Variants in MYH7 observed in about 807,000 individuals in gnomAD.
MYH7 encodes the protein myosin-7.
MYH7 carries 129 observed loss-of-function variants against 225.4 expected under a neutral mutation model. The observed-to-expected ratio is 0.57, with a 90% CI of 0.50 to 0.66. MYH7 has a LOEUF of 0.66. MYH7 is among the 30% of genes least tolerant of loss of function. MYH7 has a pLI of 0.00. For synonymous variants in MYH7, 971 were observed against 1,007.6 expected (o/e 0.96, Z 0.69); for missense variants, 1,649 against 2,517.0 (o/e 0.66, Z 7.38).
intron 39 of MYH7, 37 bp downstream of exon 39, chr14:23,413,722 G>A (rs775031326): frequency 1.4e-5 from 22 of 1,612,824 alleles, no homozygotes; most frequent in Non-Finnish European, 1.7e-5. Context: ...TATGCCTGCT[G>A]TGGGGGTGAC....
intron 9 of MYH7, 44 bp from the exon 10 acceptor site, chr14:23,431,043 G>A (rs1182150878): frequency 7.0e-7 from 1 of 1,424,834 alleles, no homozygotes. Flanking sequence ...AAAAGTTAGG[G>A]TTTGGGCACA....
rs1892589431 is a variant in MYH7 at position 23,424,003 on chromosome 14, C to T, written c.2826G>A (p.Lys942=). The T allele has an allele frequency of 6.2e-7, 1 of 1,614,134 alleles. No homozygotes were observed. The highest frequency in any genetic ancestry group is 8.5e-7 in the Non-Finnish European group (1 of 1,180,052). The change falls in exon 23 of 40, where the codon AAG becomes AAA. Residue 942 remains lysine, a synonymous_variant. Coordinates refer to ENST00000355349, the MANE Select transcript of MYH7 (RefSeq NM_000257.4). ...MNAELTAKKR[K]LEDECSELKR... ...TGAGCTCTGAGCACTCATCTTCCAGCTTGCGCTTCTTGGCAGTGAGCTCAG... is the reference window on the plus strand; with the variant it reads ...TGAGCTCTGAGCACTCATCTTCCAGTTTGCGCTTCTTGGCAGTGAGCTCAG...
chr14:23,418,314 G>A lies in MYH7; in HGVS notation c.4065C>T (p.Ala1355=), dbSNP rs142469226. The part of the protein sequence containing the change: ...EQYEEETEAK[A]ELQRVLSKAN... ...CCTTGGAAAGGACGCGCTGCAGCTC[G>A]GCCTTGGCCTCCGTCTCCTCCTCGT... The change falls in exon 30 of 40, where the codon GCC becomes GCT. Residue 1355 remains alanine, a synonymous_variant. Coordinates refer to ENST00000355349, the MANE Select transcript of MYH7 (RefSeq NM_000257.4). 1.5e-5 allele frequency: 24 copies of A among 1,613,724 alleles called. No individual in the cohort carries two copies. Among genetic ancestry groups the A allele is most frequent in the African/African-American group, 9.3e-5 (7 of 75,042 alleles).
rs372381770 is a variant in MYH7 at position 23,414,101 on chromosome 14, G to A, written c.5561C>T (p.Thr1854Met). ...CAGCAGGTTTTTCCTGTCCTCCTCC[G>A]TCTGGGGGCCAGAGGGTAGGCAGGG... ...ERRIKELTYQ[T>M]EEDRKNLLRL... Residue 1854 changes from threonine to methionine, a missense_variant and splice_region_variant, in exon 38 of 40, where the codon ACG (threonine) becomes ATG (methionine). Transcript: ENST00000355349. 2.8e-5 allele frequency: 45 copies of A among 1,611,932 alleles called. No homozygotes were observed. The highest frequency in any genetic ancestry group is 3.4e-5 in the Non-Finnish European group (40 of 1,179,914).
chr14:23,424,729 G>C (rs1193202378), intron 22 of MYH7, 40 bp downstream of exon 22: 2 of 1,612,342 alleles, frequency 1.2e-6, no homozygotes, highest in East Asian at 2.2e-5. Context: ...AGTGAAGGCA[G>C]AGCAGGGTGG....
At position 23,433,705 on chromosome 14, in the gene MYH7, C is replaced by G. The variant is rs199577321; in HGVS notation, c.28G>C (p.Gly10Arg). The G allele has an allele frequency of 2.2e-5, 35 of 1,614,094 alleles. No individual in the cohort carries two copies. The highest frequency in any genetic ancestry group is 4.2e-6 in the Non-Finnish European group (5 of 1,180,058). The change falls in exon 3 of 40, where the codon GGG (glycine) becomes CGG (arginine). Residue 10 changes from glycine (G) to arginine (R), a missense_variant. This residue lies in a region of MYH7 where 91 missense variants were observed against 96.5 expected (regional missense o/e 0.94). Coordinates refer to ENST00000355349, the MANE Select transcript of MYH7 (RefSeq NM_000257.4). This position sits in a 1 kb window ranked among gnomAD's most constrained non-coding sequence, Gnocchi z 4.1. ...TTGCGCAGGTAGGGGGCGGCAGCCCCAAAGACTGCCATCTCCGAATCTCCC... is the reference window on the plus strand; with the variant it reads ...TTGCGCAGGTAGGGGGCGGCAGCCCGAAAGACTGCCATCTCCGAATCTCCC... MGDSEMAVF[G>R]AAAPYLRKSE...
chr14:23,423,616 A>C lies in MYH7; in HGVS notation c.3030T>G (p.Leu1010=), dbSNP rs747004925. 5.6e-6 allele frequency: 9 copies of C among 1,614,056 alleles called. No homozygotes were observed. Among genetic ancestry groups the C allele is most frequent in the Non-Finnish European group, 7.6e-6 (9 of 1,180,022 alleles). ...TGTTGACCTTGTCCTCCTCGGCCTG[A>C]AGGTCATCCAGAGCCTGTTGGTGGG... ...QEAHQQALDD[L]QAEEDKVNTL... Residue 1010 remains leucine (L), a synonymous_variant, in exon 24 of 40, where the codon CTT becomes CTG. Coordinates refer to ENST00000355349, the MANE Select transcript of MYH7 (RefSeq NM_000257.4).
At chr14:23,414,949 G>A in intron 37 of MYH7, 46 bp downstream of exon 37, 1 of 1,601,622 alleles carries the variant, frequency 6.2e-7, no homozygotes, top group Non-Finnish European at 8.5e-7. Flanking sequence ...GGTTGTCACT[G>A]TGGCTATGGT....
At position 23,425,946 on chromosome 14, in the gene MYH7, G is replaced by C; in HGVS notation, c.2162+18C>G. The C allele has an allele frequency of 6.2e-7, 1 of 1,613,126 alleles. No homozygotes were observed. Among genetic ancestry groups the C allele is most frequent in the Admixed American group, 1.7e-5 (1 of 60,026 alleles). ...GGCTCCCCCTGTTCTATGAGCTCTG[G>C]TGCACCCTCATACCCACCTCTGCCG... On this transcript the variant is annotated intron_variant, in intron 19 of 39. Coordinates refer to ENST00000355349, the MANE Select transcript of MYH7 (RefSeq NM_000257.4). The surrounding 1 kb of genome is among the most constrained non-coding windows in gnomAD (Gnocchi z 4.6).
intron 1 of MYH7, among the ~76,000 whole-genome samples, chr14:23,434,937 C>A (rs959323416): frequency 6.6e-6 from 1 of 152,082 alleles, no homozygotes; most frequent in Non-Finnish European, 1.5e-5. Context: ...ATACCTCAAT[C>A]CGCACCCCAA....
chr14:23,432,813 G>A lies in MYH7; in HGVS notation c.346-18C>T. ...GAGTAGGTCTGGGGATAGAAAAGGA[G>A]CAGTGACTTGCCAGTTGCGAAGGGG... On this transcript the variant is annotated intron_variant, in intron 4 of 39. Transcript: ENST00000355349. 2 of 1,614,138 alleles carry A rather than the reference G, an allele frequency of 1.2e-6. No homozygotes were observed. The highest frequency in any genetic ancestry group is 2.2e-5 in the East Asian group (1 of 44,884).
rs767369809 is a variant in MYH7 at position 23,422,200 on chromosome 14, C to T, written c.3225G>A (p.Gln1075=). The change falls in exon 25 of 40, where the codon CAG becomes CAA. Residue 1075 remains glutamine, a synonymous_variant. Coordinates refer to ENST00000355349, the MANE Select transcript of MYH7 (RefSeq NM_000257.4). ...AGTACTTTTTCAGCCGCTCATCCAG[C>T]TGCTGCTTGTCATTCTCCAGGTCCA... ...SIMDLENDKQ[Q]LDERLKKKDF... is the part of the protein sequence containing the mutation. The T allele has an allele frequency of 6.2e-7, 1 of 1,613,358 alleles. No individual in the cohort carries two copies. The highest frequency in any genetic ancestry group is 1.1e-5 in the South Asian group (1 of 91,036).
chr14:23,431,794 C>T lies in MYH7; in HGVS notation c.606G>A (p.Gly202=). 1 of 1,614,254 alleles carries T rather than the reference C, an allele frequency of 6.2e-7. No individual in the cohort carries two copies. The highest frequency in any genetic ancestry group is 8.5e-7 in the Non-Finnish European group (1 of 1,180,046). ...GGCTCTGGTCCTTCTTGCTGCGGTCCCCAATGGCTGCAATAACAGCAAAGT... is the reference window on the plus strand; with the variant it reads ...GGCTCTGGTCCTTCTTGCTGCGGTCTCCAATGGCTGCAATAACAGCAAAGT... ...IQYFAVIAAI[G]DRSKKDQSPG... Residue 202 remains glycine (G), a synonymous_variant, in exon 7 of 40, where the codon GGG becomes GGA. Coordinates refer to ENST00000355349, the MANE Select transcript of MYH7 (RefSeq NM_000257.4).
At chr14:23,413,982 C>T in intron 38 of MYH7, 25 bp downstream of exon 38, 1 of 1,614,140 alleles carries the variant, frequency 6.2e-7, no homozygotes, top group Non-Finnish European at 8.5e-7. Flanking sequence ...CTCCCCTGGG[C>T]CTAGTCCCCA....
intron 10 of MYH7, 65 bp from the exon 11 acceptor site, chr14:23,430,728 C>T (rs1892896315): frequency 4.9e-6 from 7 of 1,424,392 alleles, no homozygotes; most frequent in South Asian, 4.6e-5. Context: ...CTGCTCGCCA[C>T]AGCACATGGC....
chr14:23,418,274 C>T lies in MYH7; in HGVS notation c.4105G>A (p.Ala1369Thr). The change falls in exon 30 of 40, where the codon GCC becomes ACC. Residue 1369 changes from alanine (A) to threonine (T), a missense_variant. Ala to Thr is a moderately conservative substitution (Grantham distance 58, BLOSUM62 0). This residue lies in a region of MYH7 where 687 missense variants were observed against 913.8 expected (regional missense o/e 0.75). Coordinates refer to ENST00000355349, the MANE Select transcript of MYH7 (RefSeq NM_000257.4). ...GTCTCATACTTGGTCCTCCACTGGG[C>T]CACCTCCGAGTTGGCCTTGGAAAGG... ...RVLSKANSEV[A>T]QWRTKYETDA... 1 of 1,613,652 alleles carries T rather than the reference C, an allele frequency of 6.2e-7. No homozygotes were observed.
rs606231314 is a variant in MYH7, at chr14:23,431,733, A to T, written c.639+28T>A. Reference sequence around the variant, plus strand: ...GCTCTTCTCCCTCCCTTTCTGCGGTACAGGACCTTGGAGGGCAGCAGGCCT... The same window carrying T: ...GCTCTTCTCCCTCCCTTTCTGCGGTTCAGGACCTTGGAGGGCAGCAGGCCT... On this transcript the variant is annotated intron_variant, in intron 7 of 39. Coordinates refer to ENST00000355349, the MANE Select transcript of MYH7 (RefSeq NM_000257.4). The T allele has an allele frequency of 1.9e-6, 3 of 1,614,152 alleles. No individual in the cohort carries two copies. Among genetic ancestry groups the T allele is most frequent in the Non-Finnish European group, 2.5e-6 (3 of 1,179,964 alleles).
Position 23,415,037 on chromosome 14 carries a change from G to C in MYH7, c.5517C>G (p.Gly1839=). The C allele has an allele frequency of 1.9e-6, 3 of 1,611,740 alleles. No individual in the cohort carries two copies. The highest frequency in any genetic ancestry group is 2.5e-6 in the Non-Finnish European group (3 of 1,180,010). ...EQKRNAESVK[G]MRKSERRIKE... ...TGATGCGCCGCTCGCTCTTCCTCAT[G>C]CCCTTCACCGACTCTGCGTTGCGCT... The change falls in exon 37 of 40, where the codon GGC becomes GGG. Residue 1839 remains glycine, a synonymous_variant. Transcript: ENST00000355349. The surrounding 1 kb of genome is among the most constrained non-coding windows in gnomAD (Gnocchi z 6.3).
rs762170607 is a variant in MYH7, at chr14:23,424,108, C to T, written c.2721G>A (p.Gln907=). ...CCAGCTGAATCTTGTTTTTGATCAG[C>T]TGATCACAGCGCTCCTCAGCATCTG... ...NLADAEERCD[Q]LIKNKIQLEA... The change falls in exon 23 of 40, where the codon CAG becomes CAA. Residue 907 remains glutamine, a synonymous_variant. Coordinates refer to ENST00000355349, the MANE Select transcript of MYH7 (RefSeq NM_000257.4). The T allele has an allele frequency of 3.7e-6, 6 of 1,614,212 alleles. No individual in the cohort carries two copies. The South Asian group carries it at 4.4e-5, about 12-fold the overall frequency.
Sources: allele counts gnomAD v4.1 joint callset (sites outside exome capture counted in the v4.1 genomes callset), GRCh38; gene constraint gnomAD v4.1.1; regional missense constraint gnomAD v4.1.1; non-coding constraint Gnocchi (gnomAD v3.1); transcripts MANE v1.5; gene names NCBI Gene and HGNC (gene_info 2026-07-23, HGNC 2026-07-21).